CTNNBL1: variants seen among roughly 807,000 people sequenced by gnomAD.
CTNNBL1 encodes the protein catenin beta like 1, also known as beta-catenin-like protein 1.
A neutral mutation model predicts 72.7 loss-of-function variants in CTNNBL1; 31 were observed. That is an observed-to-expected ratio of 0.43 (90% CI 0.32 to 0.58). The LOEUF is 0.58. Ranked by LOEUF, CTNNBL1 falls within the 20% of genes least tolerant of loss-of-function variation. The pLI is 0.08. For missense variants in CTNNBL1, 534 were observed against 725.1 expected (o/e 0.74, Z 3.03); for synonymous variants, 240 against 267.3 (o/e 0.90, Z 1.00).
chr20:37,735,166 A>G (rs1428972466), intron 2 of CTNNBL1, among the ~76,000 whole-genome samples: 4 of 152,176 alleles, frequency 2.6e-5, no homozygotes, highest in Non-Finnish European at 5.9e-5. Context: ...GGTCATCTCT[A>G]TGACCTTGAG....
intron 15 of CTNNBL1, among the ~76,000 whole-genome samples, chr20:37,861,247 T>C (rs557534015): frequency 6.6e-6 from 1 of 152,180 alleles, no homozygotes; most frequent in East Asian, 1.9e-4. Flanking sequence ...ACCCACCCCA[T>C]GGAGTTCCCC....
At chr20:37,749,298 C>T (rs530464631) in intron 4 of CTNNBL1, among the ~76,000 whole-genome samples, 2 of 152,318 alleles carry the variant, frequency 1.3e-5, no homozygotes, top group Admixed American at 1.3e-4. Flanking sequence ...TCTATTCCTG[C>T]TAACTCAAAA....
intron 6 of CTNNBL1, 44 bp from the exon 7 acceptor site, chr20:37,767,909 A>G (rs1189127951): frequency 1.3e-6 from 2 of 1,535,882 alleles, no homozygotes; most frequent in Non-Finnish European, 1.8e-6. Flanking sequence ...TGCAGATGGA[A>G]ACAAAGTTGT....
At chr20:37,757,782 G>T in intron 5 of CTNNBL1, 126 bp downstream of exon 5, 1 of 657,744 alleles carries the variant, frequency 1.5e-6, no homozygotes. Flanking sequence ...TGAGGCTGGA[G>T]TGAATAAGGA....
intron 11 of CTNNBL1, among the ~76,000 whole-genome samples, chr20:37,807,796 C>T (rs1196016820): frequency 6.6e-6 from 1 of 151,968 alleles, no homozygotes; most frequent in African/African-American, 2.4e-5. Flanking sequence ...ATGATTTGCC[C>T]TTGGGTGCAC....
chr20:37,777,599 T>C, intron 8 of CTNNBL1, 55 bp from the exon 9 acceptor site: 2 of 1,558,632 alleles, frequency 1.3e-6, no homozygotes, highest in Non-Finnish European at 1.8e-6. Flanking sequence ...TAGACGGCTG[T>C]AAAATCTGAC....
intron 7 of CTNNBL1, among the ~76,000 whole-genome samples, chr20:37,768,709 A>G (rs2073494599): frequency 6.6e-6 from 1 of 152,206 alleles, no homozygotes; most frequent in Admixed American, 6.5e-5. Flanking sequence ...GTATGTTGTT[A>G]TAATAGTTCT....
At chr20:37,846,150 T>C (rs1215332308) in intron 13 of CTNNBL1, among the ~76,000 whole-genome samples, 3 of 150,980 alleles carry the variant, frequency 2.0e-5, no homozygotes, top group African/African-American at 7.4e-5. Flanking sequence ...ATCCGGGGAG[T>C]GGGGAGAGGT....
chr20:37,830,058 C>A (rs1272276883), intron 11 of CTNNBL1, among the ~76,000 whole-genome samples: 1 of 152,006 alleles, frequency 6.6e-6, no homozygotes, highest in Non-Finnish European at 1.5e-5. Flanking sequence ...GTCTCAAACT[C>A]CTAGGCTCAA....
intron 10 of CTNNBL1, among the ~76,000 whole-genome samples, chr20:37,793,031 T>C (rs754374874): frequency 4.6e-5 from 7 of 152,210 alleles, no homozygotes; most frequent in Non-Finnish European, 7.4e-5. Context: ...CTTTCAAAAT[T>C]TATTAAGACT....
intron 3 of CTNNBL1, among the ~76,000 whole-genome samples, chr20:37,742,928 C>G (rs535466757): frequency 1.3e-5 from 2 of 152,026 alleles, no homozygotes; most frequent in Admixed American, 1.3e-4. Flanking sequence ...CTCAGCTTCT[C>G]GAGTAGCTGG....
At chr20:37,725,782 G>A (rs547116536) in intron 1 of CTNNBL1, among the ~76,000 whole-genome samples, 2 of 151,730 alleles carry the variant, frequency 1.3e-5, no homozygotes, top group South Asian at 2.1e-4. Flanking sequence ...TCAGATGTTC[G>A]AGACCAGCCT....
At chr20:37,800,938 A>G (rs1049019272) in intron 10 of CTNNBL1, among the ~76,000 whole-genome samples, 3 of 151,302 alleles carry the variant, frequency 2.0e-5, no homozygotes, top group African/African-American at 7.4e-5. Flanking sequence ...TGACTGATTC[A>G]TCTTATCACT....
chr20:37,740,988 C>T (rs1173640440), intron 3 of CTNNBL1, among the ~76,000 whole-genome samples: 1 of 152,212 alleles, frequency 6.6e-6, no homozygotes, highest in Non-Finnish European at 1.5e-5. Flanking sequence ...ATTTCTGTGG[C>T]TTTCCCAGTG....
chr20:37,730,152 TA>T (rs780226214), intron 1 of CTNNBL1, among the ~76,000 whole-genome samples: 11 of 152,204 alleles, frequency 7.2e-5, no homozygotes, highest in Non-Finnish European at 1.3e-4. Flanking sequence ...TACTGTTCAA[TA>T]CAAGTCAAAA....
At chr20:37,858,824 C>T (rs1713760020) in intron 13 of CTNNBL1, among the ~76,000 whole-genome samples, 1 of 152,112 alleles carries the variant, frequency 6.6e-6, no homozygotes, top group Non-Finnish European at 1.5e-5. Context: ...ACTCCTGTGA[C>T]TTAATTAGGG....
At chr20:37,786,367 C>G (rs2073673264) in intron 10 of CTNNBL1, among the ~76,000 whole-genome samples, 1 of 152,208 alleles carries the variant, frequency 6.6e-6, no homozygotes, top group Non-Finnish European at 1.5e-5. Context: ...CCCCCCAGCC[C>G]CAGGCAGCTC....
chr20:37,780,348 A>G (rs2122693985), intron 10 of CTNNBL1, among the ~76,000 whole-genome samples: 1 of 152,312 alleles, frequency 6.6e-6, no homozygotes, highest in South Asian at 2.1e-4. Flanking sequence ...TACTATGTTA[A>G]GTACTGGGCA....
At chr20:37,756,995 CT>C in intron 4 of CTNNBL1, 1 of 152,324 alleles carries the variant, frequency 6.6e-6, no homozygotes, top group South Asian at 2.1e-4. Context: ...ATTTTAAATT[CT>C]GTATTCTTCC....
Sources: gnomAD v4.1 joint callset for allele counts (sites outside exome capture counted in the v4.1 genomes callset) on GRCh38, gnomAD v4.1.1 for gene constraint, MANE v1.5 for transcripts, NCBI Gene and HGNC (gene_info 2026-07-23, HGNC 2026-07-21) for gene names.